Variants in GALNTL6 observed in about 807,000 individuals in gnomAD.
The protein encoded by GALNTL6 is polypeptide N-acetylgalactosaminyltransferase-like 6.
Under a neutral mutation model 73.7 loss-of-function variants are expected in GALNTL6, and 46 were observed. The observed-to-expected ratio is 0.62, with a 90% CI of 0.49 to 0.80. The LOEUF (loss-of-function observed/expected upper bound fraction) is 0.80, where lower values mean the gene tolerates loss of function less well. GALNTL6 is among the 30% of genes least tolerant of loss of function. The probability of loss-of-function intolerance (pLI) is 0.00; values close to 1 mark genes in which losing one functional copy is unlikely to be tolerated. For missense variants in GALNTL6, 604 were observed against 755.0 expected (o/e 0.80, Z 2.34); for synonymous variants, 259 against 263.7 (o/e 0.98, Z 0.17).
At chr4:172,559,473 C>T (rs1233978125) in intron 5 of GALNTL6, among the ~76,000 whole-genome samples, 2 of 152,104 alleles carry the variant, frequency 1.3e-5, no homozygotes, top group African/African-American at 4.8e-5. Context: ...TTTGCCATAT[C>T]AAGACCAGGC....
chr4:172,651,721 C>T (rs1213543366), intron 5 of GALNTL6, among the ~76,000 whole-genome samples: 1 of 152,138 alleles, frequency 6.6e-6, no homozygotes, highest in Non-Finnish European at 1.5e-5. Flanking sequence ...GACATACCCT[C>T]CTCCCCAGAC....
At chr4:172,384,487 T>A (rs1743391483) in intron 5 of GALNTL6, among the ~76,000 whole-genome samples, 1 of 152,102 alleles carries the variant, frequency 6.6e-6, no homozygotes, top group Non-Finnish European at 1.5e-5. Flanking sequence ...AATTTACATT[T>A]TCTCTCACTT....
chr4:172,060,433 C>G (rs913706820), intron 2 of GALNTL6, among the ~76,000 whole-genome samples: 1 of 152,016 alleles, frequency 6.6e-6, no homozygotes, highest in African/African-American at 2.4e-5. Flanking sequence ...ACTTTAATTG[C>G]TCTACTCTCC....
At chr4:172,648,450 C>T (rs1407084719) in intron 5 of GALNTL6, among the ~76,000 whole-genome samples, 2 of 152,124 alleles carry the variant, frequency 1.3e-5, no homozygotes, top group African/African-American at 2.4e-5. Context: ...ATAGATGTTA[C>T]ACAATTTACT....
At chr4:172,385,028 G>GTT (rs35364844) in intron 5 of GALNTL6, among the ~76,000 whole-genome samples, 15 of 128,870 alleles carry the variant, frequency 1.2e-4, no homozygotes, top group African/African-American at 3.9e-4. Flanking sequence ...TTGTTTTTTT[G>GTT]TTTTTTTTTT....
chr4:172,789,521 A>G (rs1224205865), intron 5 of GALNTL6, among the ~76,000 whole-genome samples: 4 of 152,126 alleles, frequency 2.6e-5, no homozygotes, highest in African/African-American at 9.7e-5. Flanking sequence ...AAAAAATTGG[A>G]CACCCCTGTT....
intron 7 of GALNTL6, among the ~76,000 whole-genome samples, chr4:172,848,918 T>C (rs190438520): frequency 2.6e-4 from 40 of 152,262 alleles, no homozygotes; most frequent in African/African-American, 9.1e-4. Flanking sequence ...TGTCATTTGT[T>C]TTCAACAAAC....
At chr4:172,089,212 T>G (rs1732129425) in intron 2 of GALNTL6, among the ~76,000 whole-genome samples, 1 of 152,158 alleles carries the variant, frequency 6.6e-6, no homozygotes, top group Non-Finnish European at 1.5e-5. Flanking sequence ...AAATCTTTAT[T>G]AAGAGGCATT....
intron 2 of GALNTL6, among the ~76,000 whole-genome samples, chr4:172,166,414 C>A (rs1163056636): frequency 6.6e-6 from 1 of 151,904 alleles, no homozygotes; most frequent in Admixed American, 6.6e-5. Context: ...TTGCTGCACT[C>A]CAGCCTGGGT....
Position 172,116,744 on chromosome 4 carries a change from A to G in GALNTL6, c.139-112912A>G, listed in dbSNP as rs531844143. Among the ~76,000 whole-genome samples the G allele has an allele frequency of 6.6e-5, 10 of 152,312 alleles. No individual in the cohort carries two copies. The East Asian group carries it at 1.9e-3, about 29-fold the overall frequency. On this transcript the variant is annotated intron_variant, in intron 2 of 12. Coordinates refer to ENST00000506823, the MANE Select transcript of GALNTL6 (RefSeq NM_001034845.3). ...TTCAAAGCACACTTTTTAAAACAGC[A>G]AAGTGCATTACAGTTTTTAATTCTA... is the stretch of plus-strand genomic sequence containing the variant.
chr4:172,048,312 G>C (rs1284677830), intron 2 of GALNTL6, among the ~76,000 whole-genome samples: 1 of 152,046 alleles, frequency 6.6e-6, no homozygotes, highest in Non-Finnish European at 1.5e-5. Context: ...TAAAAAAAGG[G>C]ATTTATAGAT....
rs532665740 is a variant in GALNTL6, at chr4:172,005,187, C to T, written c.138+190469C>T. On this transcript the variant is annotated intron_variant, in intron 2 of 12. Coordinates refer to ENST00000506823, the MANE Select transcript of GALNTL6 (RefSeq NM_001034845.3). ...TCACCCAGGCTGGAGTGCAATGGCG[C>T]GATCTTGGCTCACTGCAACTTCTGC... Among the ~76,000 whole-genome samples the T allele has an allele frequency of 1.4e-4, 22 of 151,996 alleles. No individual in the cohort carries two copies. In the South Asian group the frequency reaches 3.9e-3, roughly 27 times the overall value.
rs141223481 is a variant in GALNTL6, at chr4:172,967,140, G to A, written c.1371+14882G>A. Among the ~76,000 whole-genome samples the A allele has an allele frequency of 3.2e-3, 493 of 152,288 alleles. 3 individuals are homozygous for A. Among genetic ancestry groups the A allele is most frequent in the African/African-American group, 0.011 (461 of 41,570 alleles). ...GACTTTAGGAGATGCAGGAATTAAC[G>A]TTTACCTTATATTTCCAAAGTTCTC... On this transcript the variant is annotated intron_variant, in intron 10 of 12. Transcript: ENST00000506823.
chr4:172,776,040 T>C (rs977216254), intron 5 of GALNTL6, among the ~76,000 whole-genome samples: 1 of 152,124 alleles, frequency 6.6e-6, no homozygotes, highest in Non-Finnish European at 1.5e-5. Flanking sequence ...GCCCAGCTGA[T>C]ACCTTGATTG....
intron 8 of GALNTL6, among the ~76,000 whole-genome samples, chr4:172,925,351 G>A (rs573558098): frequency 6.6e-6 from 1 of 152,308 alleles, no homozygotes; most frequent in African/African-American, 2.4e-5. Context: ...TAAGAACCAG[G>A]ATGAGGTTAT....
chr4:171,864,292 G>A (rs868525203), intron 2 of GALNTL6, among the ~76,000 whole-genome samples: 10 of 152,156 alleles, frequency 6.6e-5, no homozygotes, highest in Middle Eastern at 3.4e-3. Flanking sequence ...ACAGTGGCTC[G>A]AATATAAAAG....
intron 5 of GALNTL6, among the ~76,000 whole-genome samples, chr4:172,674,973 T>C (rs547304905): frequency 6.6e-6 from 1 of 152,282 alleles, no homozygotes; most frequent in South Asian, 2.1e-4. Flanking sequence ...TCTATTTCTA[T>C]CATTTCAGCC....
chr4:172,410,152 T>A (rs1744378990), intron 5 of GALNTL6, among the ~76,000 whole-genome samples: 1 of 152,022 alleles, frequency 6.6e-6, no homozygotes, highest in African/African-American at 2.4e-5. Context: ...AATAGCAATA[T>A]CCTGGTATTT....
intron 5 of GALNTL6, among the ~76,000 whole-genome samples, chr4:172,590,716 A>G (rs572322712): frequency 6.6e-6 from 1 of 152,324 alleles, no homozygotes; most frequent in East Asian, 1.9e-4. Flanking sequence ...GTTTACATAC[A>G]AAGAGTAAAT....
Sources: allele counts gnomAD v4.1 joint callset (sites outside exome capture counted in the v4.1 genomes callset), GRCh38; gene constraint gnomAD v4.1.1; transcripts MANE v1.5; gene names NCBI Gene and HGNC (gene_info 2026-07-23, HGNC 2026-07-21).